The following PHACTR2 variants were observed in gnomAD, a reference collection of about 807,000 sequenced individuals.
The protein encoded by PHACTR2 is phosphatase and actin regulator 2.
A neutral mutation model predicts 76.0 loss-of-function variants in PHACTR2; 30 were observed. The observed-to-expected ratio is 0.39, with a 90% CI of 0.30 to 0.54. PHACTR2 has a LOEUF of 0.54. Among genes scored for constraint, PHACTR2 ranks in the 20% least tolerant of loss-of-function variants. PHACTR2 has a pLI of 0.61. For synonymous variants in PHACTR2, 292 were observed against 292.5 expected (o/e 1.00, Z 0.02); for missense variants, 696 against 781.1 (o/e 0.89, Z 1.30).
In PHACTR2 at chr6:143,585,585, G is replaced by A. The variant is rs998590193; in HGVS notation, c.217+48378G>A. 3.3e-5 allele frequency among the ~76,000 whole-genome samples: 5 copies of A among 152,102 alleles called. No homozygotes were observed. The highest frequency in any genetic ancestry group is 4.8e-5 in the African/African-American group (2 of 41,414). On this transcript the variant is annotated intron_variant, in intron 1 of 11. Coordinates refer to the PHACTR2 transcript ENST00000367584. This position sits in a 1 kb window ranked among gnomAD's most constrained non-coding sequence, Gnocchi z 5.2. The stretch of plus-strand genomic sequence containing the variant: ...CTCAGGGAACATACTGGAGTCTGAT[G>A]GTGTCATCTTGGGAACACTGTGTTC...
intron 12 of PHACTR2, chr6:143,810,706 C>A: frequency 3.4e-6 from 1 of 295,742 alleles, no homozygotes; most frequent in Non-Finnish European, 6.8e-6. Context: ...GTGGCACTTG[C>A]ATGTAGTCTC....
Position 143,656,985 on chromosome 6 carries a change from A to G in PHACTR2, c.13+48663A>G. On this transcript the variant is annotated intron_variant, in intron 1 of 11. Coordinates refer to the PHACTR2 transcript ENST00000305766. This position sits in a 1 kb window ranked among gnomAD's most constrained non-coding sequence, Gnocchi z 5.3. ...ACTTTTTATTTTTTACTTTTCAAAAATTGTGGTACACACTGCATCTTCTCA... is the reference window on the plus strand; with the variant it reads ...ACTTTTTATTTTTTACTTTTCAAAAGTTGTGGTACACACTGCATCTTCTCA... Among the ~76,000 whole-genome samples, 1 of 149,304 alleles carries G rather than the reference A, an allele frequency of 6.7e-6. No individual in the cohort carries two copies. The highest frequency in any genetic ancestry group is 2.1e-4 in the East Asian group (1 of 4,806).
chr6:143,667,117 C>A (rs1228436470), intron 1 of PHACTR2, among the ~76,000 whole-genome samples: 1 of 152,138 alleles, frequency 6.6e-6, no homozygotes, highest in East Asian at 1.9e-4. Context: ...TTTCCCAACA[C>A]CATTTATTAA....
At chr6:143,686,966 G>T (rs558662557) in intron 1 of PHACTR2, among the ~76,000 whole-genome samples, 73 of 152,318 alleles carry the variant, frequency 4.8e-4, no homozygotes, top group Middle Eastern at 3.4e-3. Flanking sequence ...TTTAAGCTCA[G>T]TGGCTGGTTT....
At chr6:143,749,553 T>C (rs73581813) in intron 3 of PHACTR2, among the ~76,000 whole-genome samples, 6,702 of 152,286 alleles carry the variant, frequency 0.044, 503 homozygotes, top group African/African-American at 0.15. Context: ...CAATAAAGCA[T>C]GAATAGGCAA....
chr6:143,740,330 T>C (rs1282944252), intron 2 of PHACTR2, among the ~76,000 whole-genome samples: 1 of 151,962 alleles, frequency 6.6e-6, no homozygotes, highest in East Asian at 1.9e-4. Flanking sequence ...AAGACCTGTA[T>C]CTTGTGTTGA....
intron 2 of PHACTR2, among the ~76,000 whole-genome samples, chr6:143,736,853 C>T (rs1778834848): frequency 2.0e-5 from 3 of 151,668 alleles, no homozygotes; most frequent in South Asian, 2.1e-4. Flanking sequence ...GGATTACTGG[C>T]GTGAGCCAAC....
chr6:143,818,819 G>A lies in PHACTR2; in HGVS notation c.1923-4855G>A, dbSNP rs931023906. On this transcript the variant is annotated intron_variant, in intron 12 of 12. Transcript: ENST00000440869. This position sits in a 1 kb window ranked among gnomAD's most constrained non-coding sequence, Gnocchi z 4.9. ...CCCTCCCACAACATGTGGGGATTAT[G>A]AGATTACAATTCAAGGTGAGGTTTC... 6.6e-6 allele frequency among the ~76,000 whole-genome samples: 1 copy of A among 152,188 alleles called. No individual in the cohort carries two copies. The highest frequency in any genetic ancestry group is 1.5e-5 in the Non-Finnish European group (1 of 68,042).
At chr6:143,587,978 C>G (rs1775647334) in intron 1 of PHACTR2, among the ~76,000 whole-genome samples, 1 of 147,190 alleles carries the variant, frequency 6.8e-6, no homozygotes, top group South Asian at 2.1e-4. Flanking sequence ...GTGCCATTGC[C>G]CTCCAGCCTG....
upstream of PHACTR2, among the ~76,000 whole-genome samples, chr6:143,674,974 A>G (rs1777215090): frequency 6.6e-6 from 1 of 152,218 alleles, no homozygotes; most frequent in South Asian, 2.1e-4. This position sits in a 1 kb window ranked among gnomAD's most constrained non-coding sequence, Gnocchi z 4.9. Context: ...CTTTAACCTA[A>G]TAGATATAGT....
chr6:143,590,037 T>C (rs1775672493), intron 1 of PHACTR2, among the ~76,000 whole-genome samples: 1 of 152,218 alleles, frequency 6.6e-6, no homozygotes, highest in African/African-American at 2.4e-5. Context: ...GAAAACTCTG[T>C]GCTCAGCAAT....
intron 6 of PHACTR2, among the ~76,000 whole-genome samples, chr6:143,766,366 A>T (rs1023828555): frequency 2.0e-5 from 3 of 152,262 alleles, no homozygotes; most frequent in African/African-American, 7.2e-5. Context: ...GGACAGAATT[A>T]GCCAACATGT....
Position 143,602,189 on chromosome 6 carries a change from C to T in PHACTR2, c.217+64982C>T, listed in dbSNP as rs1172919640. 6.6e-6 allele frequency among the ~76,000 whole-genome samples: 1 copy of T among 152,194 alleles called. No homozygotes were observed. The highest frequency in any genetic ancestry group is 2.4e-5 in the African/African-American group (1 of 41,434). On this transcript the variant is annotated intron_variant, in intron 1 of 11. Coordinates refer to the PHACTR2 transcript ENST00000367584. The surrounding 1 kb of genome is among the most constrained non-coding windows in gnomAD (Gnocchi z 6.1). ...TAGTTTTATGGTTTTGAAGTCATCTCCACCTTGTCCCTCTAACCTTCCCAT... is the reference window on the plus strand; with the variant it reads ...TAGTTTTATGGTTTTGAAGTCATCTTCACCTTGTCCCTCTAACCTTCCCAT...
chr6:143,815,628 C>A (rs148457974), intron 12 of PHACTR2, among the ~76,000 whole-genome samples: 34 of 152,242 alleles, frequency 2.2e-4, no homozygotes, highest in African/African-American at 7.5e-4. Flanking sequence ...CGCAGTGGCT[C>A]ATGCCTGTAA....
intron 1 of PHACTR2, among the ~76,000 whole-genome samples, chr6:143,590,256 T>C (rs1247958920): frequency 1.3e-5 from 2 of 152,204 alleles, no homozygotes; most frequent in African/African-American, 4.8e-5. Context: ...AAACTTTTCA[T>C]GTGCTGCAGA....
intron 1 of PHACTR2, among the ~76,000 whole-genome samples, chr6:143,694,297 A>AAT (rs1777721138): frequency 6.6e-6 from 1 of 152,140 alleles, no homozygotes; most frequent in Non-Finnish European, 1.5e-5. Context: ...AAAGAAATGG[A>AAT]ATATGTGACA....
rs1211055071 is a variant in PHACTR2, at chr6:143,664,829, T to C, written c.14-47187T>C. On this transcript the variant is annotated intron_variant, in intron 1 of 11. Coordinates refer to the PHACTR2 transcript ENST00000305766. The surrounding 1 kb of genome is among the most constrained non-coding windows in gnomAD (Gnocchi z 5.1). ...TTATTATTATTTTGAGACACTGTCTTGCTCTGTCACCCAGGCTGGAGTGCA... is the reference window on the plus strand; with the variant it reads ...TTATTATTATTTTGAGACACTGTCTCGCTCTGTCACCCAGGCTGGAGTGCA... Among the ~76,000 whole-genome samples, 2 of 152,090 alleles carry C rather than the reference T, an allele frequency of 1.3e-5. No homozygotes were observed. The highest frequency in any genetic ancestry group is 4.8e-5 in the African/African-American group (2 of 41,406).
At position 143,708,268 on chromosome 6, in the gene PHACTR2, C is replaced by T. The variant is rs1417778309; in HGVS notation, c.47-3748C>T. Among the ~76,000 whole-genome samples, 1 of 152,062 alleles carries T rather than the reference C, an allele frequency of 6.6e-6. No individual in the cohort carries two copies. The highest frequency in any genetic ancestry group is 1.5e-5 in the Non-Finnish European group (1 of 68,004). ...TAGCAATTGGTGTTGTGGGGAAATT[C>T]TGTTAGGGGTGGGCTTGTTTCAGTG... On this transcript the variant is annotated intron_variant, in intron 1 of 12. Coordinates refer to ENST00000440869, the MANE Select transcript of PHACTR2 (RefSeq NM_001100164.2). This position sits in a 1 kb window ranked among gnomAD's most constrained non-coding sequence, Gnocchi z 5.5.
chr6:143,788,975 C>T, intron 11 of PHACTR2, 65 bp downstream of exon 11: 1 of 1,461,090 alleles, frequency 6.8e-7, no homozygotes, highest in Non-Finnish European at 9.5e-7. Flanking sequence ...TATCCACATC[C>T]CCCCTACTTA....
Sources: allele counts gnomAD v4.1 joint callset (sites outside exome capture counted in the v4.1 genomes callset), GRCh38; gene constraint gnomAD v4.1.1; non-coding constraint Gnocchi (gnomAD v3.1); transcripts MANE v1.5; gene names NCBI Gene and HGNC (gene_info 2026-07-23, HGNC 2026-07-21).